The following COL4A1 variants were observed in gnomAD, a reference collection of about 807,000 sequenced individuals.
COL4A1 encodes collagen alpha-1(IV) chain.
A neutral mutation model predicts 216.6 loss-of-function variants in COL4A1; 40 were observed. The observed-to-expected ratio is 0.18, with a 90% CI of 0.14 to 0.24. COL4A1 has a LOEUF of 0.24. Among genes scored for constraint, COL4A1 ranks in the 10% least tolerant of loss-of-function variants. COL4A1 has a pLI of 1.00. For synonymous variants in COL4A1, 839 were observed against 810.7 expected (o/e 1.03, Z -0.59); for missense variants, 1,628 against 2,196.8 (o/e 0.74, Z 5.18).
At position 110,169,756 on chromosome 13, in the gene COL4A1, G is replaced by A. The variant is rs753887777; in HGVS notation, c.3749C>T (p.Pro1250Leu). 30 of 1,613,788 alleles carry A rather than the reference G, an allele frequency of 1.9e-5. No individual in the cohort carries two copies. The South Asian group carries it at 2.3e-4, about 12-fold the overall frequency. Residue 1250 changes from proline (P) to leucine (L), a missense_variant, in exon 43 of 52, where the codon CCG (proline) becomes CTG (leucine). Transcript: ENST00000375820. ...PQGQPGLPGL[P>L]GPMGPPGLPG... is the part of the protein sequence containing the mutation. ...AAGCCCTGGAGGCCCCATGGGTCCC[G>A]GAAGTCCTAATGGAAGAGAAGAAAG...
intron 40 of COL4A1, 60 bp downstream of exon 40, chr13:110,173,840 T>C: frequency 6.3e-7 from 1 of 1,595,310 alleles, no homozygotes; most frequent in Non-Finnish European, 8.6e-7. Flanking sequence ...ACAGGCAGTC[T>C]GCAGGTCTCT....
chr13:110,152,626 A>G, intron 50 of COL4A1, 120 bp from the exon 51 acceptor site: 1 of 1,180,582 alleles, frequency 8.5e-7, no homozygotes, highest in Non-Finnish European at 1.2e-6. Flanking sequence ...CTGCAGCCTC[A>G]TGTGGTCACC....
At chr13:110,290,256 G>A (rs1181003016) in intron 1 of COL4A1, among the ~76,000 whole-genome samples, 5 of 152,300 alleles carry the variant, frequency 3.3e-5, no homozygotes, top group East Asian at 1.9e-4. Flanking sequence ...ACACGTGAGC[G>A]CGTTGCAAGC....
chr13:110,207,613 C>T lies in COL4A1; in HGVS notation c.694-124G>A, dbSNP rs1879577595. 1.1e-5 allele frequency: 8 copies of T among 735,634 alleles called. No individual in the cohort carries two copies. Among genetic ancestry groups the T allele is most frequent in the Non-Finnish European group, 1.8e-5 (8 of 433,440 alleles). 45.6% of individuals were successfully genotyped at this position (735,634 alleles called of 1,614,324 possible). A position where few individuals can be genotyped will look rare whatever the true frequency, so the allele number is the denominator to read the frequency against. On this transcript the variant is annotated intron_variant, in intron 12 of 51. Coordinates refer to ENST00000375820, the MANE Select transcript of COL4A1 (RefSeq NM_001845.6). This position sits in a 1 kb window ranked among gnomAD's most constrained non-coding sequence, Gnocchi z 4.4. ...TTTTAAAATGTAATTATACTCTATT[C>T]TGTTCTAATCATCCTTGCCTCTGCA...
intron 17 of COL4A1, 111 bp from the exon 18 acceptor site, chr13:110,203,718 A>T: frequency 1.7e-6 from 2 of 1,162,838 alleles, no homozygotes; most frequent in Non-Finnish European, 2.6e-6. Flanking sequence ...CAGTAAATTA[A>T]AACTATTTTT....
chr13:110,214,121 T>G, intron 2 of COL4A1, 106 bp from the exon 3 acceptor site: 25 of 864,894 alleles, frequency 2.9e-5, no homozygotes, highest in Non-Finnish European at 4.5e-5. Flanking sequence ...TGAGATGGAG[T>G]CTCATTCTGT....
At chr13:110,219,373 T>C (rs1237013927) in intron 2 of COL4A1, among the ~76,000 whole-genome samples, 1 of 152,190 alleles carries the variant, frequency 6.6e-6, no homozygotes, top group African/African-American at 2.4e-5. Flanking sequence ...CATTTATCAT[T>C]ACTATTATTT....
At chr13:110,248,653 G>A (rs1038804071) in intron 1 of COL4A1, among the ~76,000 whole-genome samples, 3 of 152,174 alleles carry the variant, frequency 2.0e-5, no homozygotes, top group African/African-American at 7.2e-5. Flanking sequence ...CACCACGCCA[G>A]GATAATTTTT....
At chr13:110,202,282 G>T (rs1053024496) in intron 18 of COL4A1, among the ~76,000 whole-genome samples, 1 of 147,562 alleles carries the variant, frequency 6.8e-6, no homozygotes, top group Non-Finnish European at 1.5e-5. Flanking sequence ...AAGGTCGCAA[G>T]ACAAGAAGAG....
chr13:110,152,559 A>G lies in COL4A1; in HGVS notation c.4756-53T>C, dbSNP rs372971245. 1.0e-5 allele frequency: 16 copies of G among 1,566,630 alleles called. 1 individual carries two copies. Among genetic ancestry groups the G allele is most frequent in the African/African-American group, 5.4e-5 (4 of 74,492 alleles). ...AGAGGTTCCCTCCCCAAACACCAGGAAAGAGATCGATCCTTCCCAGGAAGG... is the reference window on the plus strand; with the variant it reads ...AGAGGTTCCCTCCCCAAACACCAGGGAAGAGATCGATCCTTCCCAGGAAGG... On this transcript the variant is annotated intron_variant, in intron 50 of 51. Transcript: ENST00000375820.
chr13:110,303,898 G>A (rs1044770285), intron 1 of COL4A1, among the ~76,000 whole-genome samples: 5 of 152,232 alleles, frequency 3.3e-5, no homozygotes, highest in Admixed American at 6.5e-5. Flanking sequence ...AAACGGGTCC[G>A]TGTGAGGAAG....
At chr13:110,289,646 C>T (rs537097587) in intron 1 of COL4A1, among the ~76,000 whole-genome samples, 58 of 152,276 alleles carry the variant, frequency 3.8e-4, no homozygotes, top group Non-Finnish European at 7.1e-4. Flanking sequence ...ACATGTTAGA[C>T]GTTACACTGC....
At position 110,186,436 on chromosome 13, in the gene COL4A1, C is replaced by G. The variant is rs1302235799; in HGVS notation, c.1846G>C (p.Asp616His). Residue 616 changes from aspartate to histidine, a missense_variant, in exon 26 of 52, where the codon GAC becomes CAC. By Grantham distance (81) the Asp-to-His change is moderately conservative. Around this residue, in one of 8 missense-constraint regions of COL4A1, gnomAD observed 701 missense variants for 892.5 expected, o/e 0.79. Coordinates refer to ENST00000375820, the MANE Select transcript of COL4A1 (RefSeq NM_001845.6). ...CCAGGAAAGCCTGCTTGTCCTTTGT[C>G]ACCAATGGGACCAGCAGGACCATAT... is the stretch of plus-strand genomic sequence containing the variant. ...PGYGPAGPIG[D>H]KGQAGFPGGP... 2 of 1,613,674 alleles carry G rather than the reference C, an allele frequency of 1.2e-6. No homozygotes were observed. The highest frequency in any genetic ancestry group is 2.7e-5 in the African/African-American group (2 of 74,934).
rs555766576 is a variant in COL4A1 at position 110,185,433 on chromosome 13, C to T, written c.1897+952G>A. Among the ~76,000 whole-genome samples, 21 of 152,288 alleles carry T rather than the reference C, an allele frequency of 1.4e-4. No individual in the cohort carries two copies. In the East Asian group the frequency reaches 3.5e-3, roughly 25 times the overall value. On this transcript the variant is annotated intron_variant, in intron 26 of 51. Transcript: ENST00000375820. ...TGCTGGGATTACAGGCGTGAGCCAC[C>T]GCACCTGGCCCCAGCTACTTTATAA... is the stretch of plus-strand genomic sequence containing the variant.
chr13:110,240,047 G>C (rs758926010), intron 2 of COL4A1, among the ~76,000 whole-genome samples: 1 of 152,064 alleles, frequency 6.6e-6, no homozygotes. Flanking sequence ...CTCCATTTTT[G>C]TTAAAATGAT....
intron 4 of COL4A1, among the ~76,000 whole-genome samples, chr13:110,213,086 G>C (rs1188682351): frequency 6.6e-6 from 1 of 152,132 alleles, no homozygotes; most frequent in Non-Finnish European, 1.5e-5. Flanking sequence ...AAAGGCATAA[G>C]AGTGATACAA....
intron 26 of COL4A1, among the ~76,000 whole-genome samples, chr13:110,186,006 T>A (rs1049248261): frequency 3.9e-5 from 6 of 152,246 alleles, no homozygotes; most frequent in Non-Finnish European, 7.4e-5. Flanking sequence ...GAGGTGGAGA[T>A]CACACCACTC....
chr13:110,170,222 A>C (rs969743670), intron 42 of COL4A1, among the ~76,000 whole-genome samples: 5 of 152,132 alleles, frequency 3.3e-5, no homozygotes, highest in African/African-American at 1.2e-4. Flanking sequence ...CATCTGTGCT[A>C]CCACTACGGG....
chr13:110,166,445 A>G (rs541918272), intron 44 of COL4A1, 142 bp from the exon 45 acceptor site: 2 of 729,040 alleles, frequency 2.7e-6, no homozygotes, highest in South Asian at 2.9e-5. Context: ...ATATACTCAT[A>G]TATGCATACC....
Sources: allele counts gnomAD v4.1 joint callset (sites outside exome capture counted in the v4.1 genomes callset), GRCh38; gene constraint gnomAD v4.1.1; regional missense constraint gnomAD v4.1.1; non-coding constraint Gnocchi (gnomAD v3.1); transcripts MANE v1.5; gene names NCBI Gene and HGNC (gene_info 2026-07-23, HGNC 2026-07-21).